CADM1: variants seen among roughly 807,000 people sequenced by gnomAD.
CADM1 encodes TSLC-1.
A neutral mutation model predicts 53.1 loss-of-function variants in CADM1; 15 were observed. The observed-to-expected ratio is 0.28, with a 90% CI of 0.19 to 0.44. CADM1 has a LOEUF of 0.44. CADM1 is among the 20% of genes least tolerant of loss of function. The probability of loss-of-function intolerance (pLI) is 1.00; values close to 1 mark genes in which losing one functional copy is unlikely to be tolerated. For synonymous variants in CADM1, 281 were observed against 243.0 expected (o/e 1.16, Z -1.45); for missense variants, 434 against 611.3 (o/e 0.71, Z 3.06).
At chr11:115,242,914 T>C (rs1565320276) in intron 1 of CADM1, among the ~76,000 whole-genome samples, 1 of 152,214 alleles carries the variant, frequency 6.6e-6, no homozygotes. Context: ...TAATTTTAGC[T>C]CTTTATTGAA....
At position 115,227,620 on chromosome 11, in the gene CADM1, C is replaced by T. The variant is rs142875471; in HGVS notation, c.721+1493G>A. 2.4e-4 allele frequency among the ~76,000 whole-genome samples: 37 copies of T among 152,228 alleles called. No homozygotes were observed. The East Asian group carries it at 5.6e-3, about 23-fold the overall frequency. ...AATTTAGATAATATCTGATCATTTC[C>T]GTTTTCCCATTATAGGGACATTATA... On this transcript the variant is annotated intron_variant, in intron 5 of 11. Coordinates refer to ENST00000331581, the MANE Select transcript of CADM1 (RefSeq NM_001301043.2).
rs184444843 is a variant in CADM1 at position 115,248,141 on chromosome 11, C to A, written c.125-7721G>T. ...TACCTTTGTGTGTATTGGTTTTTGA[C>A]ATTAAGGCTGAAGAACGGAGGTCAA... On this transcript the variant is annotated intron_variant, in intron 1 of 11. Transcript: ENST00000331581. 3.9e-5 allele frequency among the ~76,000 whole-genome samples: 6 copies of A among 152,312 alleles called. No homozygotes were observed. In the East Asian group the frequency reaches 1.2e-3, roughly 29 times the overall value.
At chr11:115,285,777 C>A (rs1943714095) in intron 1 of CADM1, among the ~76,000 whole-genome samples, 1 of 151,972 alleles carries the variant, frequency 6.6e-6, no homozygotes, top group South Asian at 2.1e-4. Context: ...CTCGGTGAAC[C>A]CCTCCCTCTG....
chr11:115,339,694 T>C (rs896411374), intron 1 of CADM1, among the ~76,000 whole-genome samples: 9 of 152,186 alleles, frequency 5.9e-5, no homozygotes, highest in Non-Finnish European at 1.0e-4. Context: ...TATCAAAGTA[T>C]AGAAAATGAA....
intron 8 of CADM1, among the ~76,000 whole-genome samples, chr11:115,199,941 A>T (rs1364521644): frequency 6.6e-6 from 1 of 152,188 alleles, no homozygotes; most frequent in African/African-American, 2.4e-5. Flanking sequence ...ACTTCATATG[A>T]AGCTTTTTTG....
At position 115,190,747 on chromosome 11, in the gene CADM1, A is replaced by G. The variant is rs1939808357; in HGVS notation, c.1165+141T>C. The stretch of plus-strand genomic sequence containing the variant: ...GGTGAGTGGGTGACCGGGGAGGAAG[A>G]CAGTATTGATACAAATTTGTTTTTT... On this transcript the variant is annotated intron_variant, in intron 10 of 11. Transcript: ENST00000331581. The G allele has an allele frequency of 4.3e-5, 27 of 626,856 alleles. No homozygotes were observed. The East Asian group carries it at 7.5e-4, about 17-fold the overall frequency. The allele number at this position is 626,856 out of a possible 1,614,324, so 38.8% of individuals were successfully genotyped here. A position where few individuals can be genotyped will look rare whatever the true frequency, so the allele number is the denominator to read the frequency against.
At chr11:115,441,197 G>A (rs1392078192) in intron 1 of CADM1, among the ~76,000 whole-genome samples, 1 of 151,932 alleles carries the variant, frequency 6.6e-6, no homozygotes, top group Admixed American at 6.6e-5. Flanking sequence ...TGTACCTATA[G>A]GCTTAGAAAT....
At chr11:115,422,490 T>C (rs1947782250) in intron 1 of CADM1, among the ~76,000 whole-genome samples, 1 of 152,204 alleles carries the variant, frequency 6.6e-6, no homozygotes, top group Non-Finnish European at 1.5e-5. Flanking sequence ...AAATGCCTGA[T>C]GCAGCGGTGA....
At chr11:115,438,035 T>C (rs1375512236) in intron 1 of CADM1, among the ~76,000 whole-genome samples, 1 of 152,176 alleles carries the variant, frequency 6.6e-6, no homozygotes, top group Non-Finnish European at 1.5e-5. Context: ...TTTAGCATAC[T>C]AGTTGTCACA....
In CADM1 at chr11:115,504,276, G is replaced by A; in HGVS notation, c.119C>T (p.Pro40Leu). 1 of 1,572,888 alleles carries A rather than the reference G, an allele frequency of 6.4e-7. No homozygotes were observed. The highest frequency in any genetic ancestry group is 2.4e-5 in the East Asian group (1 of 42,352). ...LLLFSAAALIPTGDGQNLFTK... is the reference protein window; with the variant it reads ...LLLFSAAALILTGDGQNLFTK... ...CGGTCGGTGCCCACACCTACCTGTG[G>A]GGATCAGTGCCGCGGCGGAGAAGAG... The change falls in exon 1 of 12, where the codon CCC (proline) becomes CTC (leucine). Residue 40 changes from proline to leucine, a missense_variant. By Grantham distance (98) the Pro-to-Leu change is moderately conservative (BLOSUM62 -3). Coordinates refer to ENST00000331581, the MANE Select transcript of CADM1 (RefSeq NM_001301043.2).
chr11:115,501,131 G>A (rs1187216903), intron 1 of CADM1, among the ~76,000 whole-genome samples: 1 of 152,062 alleles, frequency 6.6e-6, no homozygotes, highest in Non-Finnish European at 1.5e-5. Context: ...AACGTCCCAG[G>A]CAAATAATGC....
chr11:115,206,758 C>CTTCTTTTTTTTT (rs1940706440), intron 8 of CADM1, among the ~76,000 whole-genome samples: 6 of 38,208 alleles, frequency 1.6e-4, no homozygotes, highest in African/African-American at 5.8e-4. Context: ...CTGTGGACTT[C>CTTCTTTTTTTTT]TTTTTTTTTT....
chr11:115,346,622 A>G (rs921831482), intron 1 of CADM1, among the ~76,000 whole-genome samples: 2 of 152,172 alleles, frequency 1.3e-5, no homozygotes, highest in Non-Finnish European at 2.9e-5. Context: ...TGAGTAACAG[A>G]CAGCTAACCA....
intron 1 of CADM1, among the ~76,000 whole-genome samples, chr11:115,282,517 C>T (rs1452116510): frequency 2.0e-5 from 3 of 152,204 alleles, no homozygotes; most frequent in Non-Finnish European, 4.4e-5. Flanking sequence ...ATCACCAGTG[C>T]ATTCTTATCA....
intron 1 of CADM1, among the ~76,000 whole-genome samples, chr11:115,315,647 C>T (rs1474143781): frequency 6.8e-6 from 1 of 147,484 alleles, no homozygotes; most frequent in Non-Finnish European, 1.5e-5. Context: ...TTCAATTAAA[C>T]ACACATCACA....
In CADM1 at chr11:115,214,631, G is replaced by A. The variant is rs376941564; in HGVS notation, c.971C>T (p.Ser324Leu). The change falls in exon 7 of 12, where the codon TCG becomes TTG. Residue 324 changes from serine to leucine, a missense_variant. Around this residue, in one of 4 missense-constraint regions of CADM1, gnomAD observed 311 missense variants for 435.1 expected, o/e 0.71. Coordinates refer to ENST00000331581, the MANE Select transcript of CADM1 (RefSeq NM_001301043.2). Reference sequence around the variant, plus strand: ...ACCGTATACATACAGCATATAATCCGAGTGAGCTTTCCCCACTATGTTTGA... The same window carrying A: ...ACCGTATACATACAGCATATAATCCAAGTGAGCTTTCCCCACTATGTTTGA... ...EASNIVGKAH[S>L]DYMLYVYDPP... 1.9e-6 allele frequency: 3 copies of A among 1,613,868 alleles called. No homozygotes were observed. Among genetic ancestry groups the A allele is most frequent in the East Asian group, 2.2e-5 (1 of 44,860 alleles).
chr11:115,228,489 A>C (rs568787143), intron 5 of CADM1, among the ~76,000 whole-genome samples: 81 of 152,348 alleles, frequency 5.3e-4, no homozygotes, highest in African/African-American at 1.9e-3. Context: ...CAACCTTGGC[A>C]TAAGAATGGC....
chr11:115,463,980 C>T (rs191812411), intron 1 of CADM1, among the ~76,000 whole-genome samples: 44 of 152,212 alleles, frequency 2.9e-4, no homozygotes, highest in African/African-American at 9.6e-4. Context: ...GCAAGAAATG[C>T]TATATTATCC....
At chr11:115,197,401 C>T (rs1160210731) in intron 9 of CADM1, among the ~76,000 whole-genome samples, 1 of 152,154 alleles carries the variant, frequency 6.6e-6, no homozygotes, top group Non-Finnish European at 1.5e-5. Flanking sequence ...GGCCCTTTAC[C>T]AAATAATTCC....
Sources: gnomAD v4.1 joint callset for allele counts (sites outside exome capture counted in the v4.1 genomes callset) on GRCh38, gnomAD v4.1.1 for gene constraint, gnomAD v4.1.1 regional missense constraint, MANE v1.5 for transcripts, NCBI Gene and HGNC (gene_info 2026-07-23, HGNC 2026-07-21) for gene names.